Variants in SLC4A10 observed in about 807,000 individuals in gnomAD.
SLC4A10 encodes solute carrier family 4 member 10.
A neutral mutation model predicts 137.7 loss-of-function variants in SLC4A10; 42 were observed. The ratio of observed to expected loss-of-function variants is 0.30; its 90% CI spans 0.24 to 0.39. SLC4A10 has a LOEUF of 0.39. SLC4A10 is among the 10% of genes least tolerant of loss of function. SLC4A10 has a pLI of 1.00. For synonymous variants in SLC4A10, 474 were observed against 464.1 expected, an observed-to-expected ratio of 1.02 and a Z score of -0.27; for missense variants, 925 against 1,355.0, an observed-to-expected ratio of 0.68 and a Z score of 4.98.
chr2:161,939,495 A>G (rs1023792309), intron 15 of SLC4A10, among the ~76,000 whole-genome samples: 10 of 152,198 alleles, frequency 6.6e-5, no homozygotes, highest in Non-Finnish European at 1.5e-4. Flanking sequence ...CTATAAGTAT[A>G]TAGCCACAAT....
intron 1 of SLC4A10, among the ~76,000 whole-genome samples, chr2:161,633,879 T>G (rs185865612): frequency 6.6e-6 from 1 of 151,920 alleles, no homozygotes; most frequent in East Asian, 1.9e-4. Flanking sequence ...AAATATAAAC[T>G]AATTTTATCA....
At chr2:161,876,918 T>G (rs939692276) in intron 8 of SLC4A10, among the ~76,000 whole-genome samples, 2 of 152,062 alleles carry the variant, frequency 1.3e-5, no homozygotes, top group African/African-American at 4.8e-5. Context: ...CCCAGATATG[T>G]GCTATAGTAC....
At chr2:161,658,712 T>A (rs1042536663) in intron 1 of SLC4A10, among the ~76,000 whole-genome samples, 1 of 148,832 alleles carries the variant, frequency 6.7e-6, no homozygotes, top group Admixed American at 6.8e-5. Flanking sequence ...TCCCTCGGCC[T>A]CCCAGGTAAC....
intron 2 of SLC4A10, among the ~76,000 whole-genome samples, chr2:161,780,351 G>A (rs1186719443): frequency 6.6e-6 from 1 of 151,886 alleles, no homozygotes; most frequent in Non-Finnish European, 1.5e-5. Context: ...TCTCATTATA[G>A]CAGAGTTTTC....
intron 2 of SLC4A10, among the ~76,000 whole-genome samples, chr2:161,796,091 T>A (rs2054743378): frequency 6.6e-6 from 1 of 152,184 alleles, no homozygotes; most frequent in Non-Finnish European, 1.5e-5. Context: ...TTCCCATTAT[T>A]TTCCATTTTG....
At chr2:161,800,826 G>A (rs1483766487) in intron 2 of SLC4A10, among the ~76,000 whole-genome samples, 6 of 152,024 alleles carry the variant, frequency 3.9e-5, no homozygotes, top group Non-Finnish European at 7.4e-5. Flanking sequence ...GTCTGAAAAT[G>A]TCAGAATGGA....
chr2:161,864,183 C>T (rs1228539343), intron 6 of SLC4A10, among the ~76,000 whole-genome samples: 1 of 151,540 alleles, frequency 6.6e-6, no homozygotes, highest in Non-Finnish European at 1.5e-5. Context: ...GCCTGGGCTA[C>T]ACAGCTAGAC....
At chr2:161,900,422 A>G (rs1342387220) in intron 11 of SLC4A10, among the ~76,000 whole-genome samples, 29 of 152,106 alleles carry the variant, frequency 1.9e-4, no homozygotes, top group Non-Finnish European at 8.8e-5. Context: ...TGCCACGCAT[A>G]TAACACCACC....
At chr2:161,785,959 T>G (rs184295728) in intron 2 of SLC4A10, among the ~76,000 whole-genome samples, 219 of 152,116 alleles carry the variant, frequency 1.4e-3, no homozygotes, top group African/African-American at 5.1e-3. Flanking sequence ...GCAGTTTAAG[T>G]TCAGAGTTTC....
chr2:161,774,706 C>T, intron 2 of SLC4A10, among the ~76,000 whole-genome samples: 1 of 151,858 alleles, frequency 6.6e-6, no homozygotes, highest in East Asian at 1.9e-4. Flanking sequence ...AAGGGCTAGC[C>T]TAGCATCAGA....
intron 2 of SLC4A10, among the ~76,000 whole-genome samples, chr2:161,782,861 T>C (rs955710979): frequency 1.3e-5 from 2 of 150,166 alleles, no homozygotes; most frequent in African/African-American, 4.9e-5. Flanking sequence ...CGAGACACCA[T>C]CAAGTGGATC....
chr2:161,748,028 C>T (rs1051052986), intron 1 of SLC4A10, among the ~76,000 whole-genome samples: 1 of 151,948 alleles, frequency 6.6e-6, no homozygotes, highest in African/African-American at 2.4e-5. Context: ...ATGATGAGCA[C>T]CTTTTCATAT....
At chr2:161,973,729 T>C (rs568204633) in intron 23 of SLC4A10, among the ~76,000 whole-genome samples, 1 of 152,294 alleles carries the variant, frequency 6.6e-6, no homozygotes, top group Non-Finnish European at 1.5e-5. Context: ...TGGAAACTTG[T>C]TAGAACTGGA....
chr2:161,661,948 A>T (rs1167367789), intron 1 of SLC4A10, among the ~76,000 whole-genome samples: 1 of 152,168 alleles, frequency 6.6e-6, no homozygotes, highest in East Asian at 1.9e-4. Context: ...GGGACCTCAT[A>T]CCTTGTACTT....
intron 26 of SLC4A10, among the ~76,000 whole-genome samples, chr2:161,981,688 T>C (rs1487245537): frequency 6.6e-6 from 1 of 152,160 alleles, no homozygotes; most frequent in Non-Finnish European, 1.5e-5. Flanking sequence ...GTCATACAGA[T>C]AGAGGAGTTA....
At chr2:161,930,494 A>T (rs1334757968) in intron 15 of SLC4A10, among the ~76,000 whole-genome samples, 1 of 151,320 alleles carries the variant, frequency 6.6e-6, no homozygotes, top group East Asian at 1.9e-4. Flanking sequence ...TTAATTCTCA[A>T]GAAATCCTGT....
intron 2 of SLC4A10, among the ~76,000 whole-genome samples, chr2:161,793,696 T>C (rs973441459): frequency 1.3e-5 from 2 of 152,314 alleles, no homozygotes; most frequent in East Asian, 3.9e-4. Context: ...AAGTAAAATT[T>C]TAATTTCCTG....
At chr2:161,705,491 A>G (rs2125030464) in intron 1 of SLC4A10, among the ~76,000 whole-genome samples, 1 of 151,770 alleles carries the variant, frequency 6.6e-6, no homozygotes, top group Non-Finnish European at 1.5e-5. Flanking sequence ...CAAGTCATCA[A>G]ATAAATAGAG....
intron 3 of SLC4A10, among the ~76,000 whole-genome samples, chr2:161,819,562 T>C (rs918452615): frequency 1.3e-5 from 2 of 151,984 alleles, no homozygotes; most frequent in African/African-American, 4.8e-5. Flanking sequence ...TAGCACAGTC[T>C]TGGCTCACTG....
Sources: gnomAD v4.1 joint callset for allele counts (sites outside exome capture counted in the v4.1 genomes callset) on GRCh38, gnomAD v4.1.1 for gene constraint, MANE v1.5 for transcripts, NCBI Gene and HGNC (gene_info 2026-07-23, HGNC 2026-07-21) for gene names.